The following BZW2 variants were observed in gnomAD, a reference collection of about 807,000 sequenced individuals.
BZW2 encodes eIF5-mimic protein 1.
In BZW2, 23 loss-of-function variants were observed where a neutral mutation model predicts 53.2. The ratio of observed to expected loss-of-function variants is 0.43; its 90% CI spans 0.31 to 0.61. The LOEUF (loss-of-function observed/expected upper bound fraction) is 0.61, where lower values mean the gene tolerates loss of function less well. BZW2 is among the 20% of genes least tolerant of loss of function. The pLI is 0.09. For missense variants in BZW2, 409 were observed against 503.1 expected (o/e 0.81, Z 1.79); for synonymous variants, 227 against 186.4 (o/e 1.22, Z -1.77).
chr7:16,671,734 C>T (rs989511673), intron 2 of BZW2, among the ~76,000 whole-genome samples: 1 of 151,948 alleles, frequency 6.6e-6, no homozygotes, highest in South Asian at 2.1e-4. Context: ...AGTTTGAGAC[C>T]AGCCTATGCA....
chr7:16,690,546 TA>T (rs1284197535), intron 7 of BZW2, among the ~76,000 whole-genome samples: 1 of 152,178 alleles, frequency 6.6e-6, no homozygotes, highest in Non-Finnish European at 1.5e-5. Flanking sequence ...TTTAATATGA[TA>T]AAAATTTCAT....
chr7:16,664,690 A>G (rs1432423921), intron 1 of BZW2, among the ~76,000 whole-genome samples: 1 of 152,188 alleles, frequency 6.6e-6, no homozygotes, highest in African/African-American at 2.4e-5. Context: ...CTAAATTATA[A>G]CTTATTTGAG....
chr7:16,661,160 G>T (rs1267515649), intron 1 of BZW2: 2 of 152,112 alleles, frequency 1.3e-5, no homozygotes, highest in African/African-American at 4.8e-5. Context: ...GTTCAAAGAT[G>T]AGTCATACCA....
rs866164271 is a variant in BZW2, at chr7:16,678,112, T to A, written c.236-3189T>A. Among the ~76,000 whole-genome samples, 685 of 143,744 alleles carry A rather than the reference T, an allele frequency of 4.8e-3. 4 individuals carry two copies. Among genetic ancestry groups the A allele is most frequent in the African/African-American group, 0.018 (657 of 36,498 alleles). The allele number at this position is 143,744 out of a possible 152,430, so 94.3% of individuals were successfully genotyped here. Reference sequence around the variant, plus strand: ...CTTTTTTTTTTTTTTTTTTTTTTTTTAATGCTGTCGCCCAGGCTGGAGTGT... The same window carrying A: ...CTTTTTTTTTTTTTTTTTTTTTTTTAAATGCTGTCGCCCAGGCTGGAGTGT... On this transcript the variant is annotated intron_variant, in intron 3 of 11. Transcript: ENST00000258761.
intron 2 of BZW2, among the ~76,000 whole-genome samples, chr7:16,666,386 G>T (rs73063986): frequency 0.018 from 1,829 of 101,296 alleles, 45 homozygotes; most frequent in African/African-American, 0.069. Flanking sequence ...CTGTATAAAA[G>T]ACTTTTATTT....
chr7:16,677,612 T>A (rs987565407), intron 3 of BZW2, among the ~76,000 whole-genome samples: 2 of 152,138 alleles, frequency 1.3e-5, no homozygotes, highest in Non-Finnish European at 2.9e-5. Flanking sequence ...GGGGCTCCAT[T>A]TGAAGAACAT....
At chr7:16,666,472 G>A (rs573013305) in intron 2 of BZW2, among the ~76,000 whole-genome samples, 3 of 150,780 alleles carry the variant, frequency 2.0e-5, no homozygotes, top group South Asian at 4.2e-4. Flanking sequence ...GCGCCATCTC[G>A]GCTCACTGCA....
chr7:16,693,196 T>G (rs976896736), intron 7 of BZW2, among the ~76,000 whole-genome samples: 7 of 152,164 alleles, frequency 4.6e-5, no homozygotes, highest in Non-Finnish European at 8.8e-5. Context: ...CAGAGAGACC[T>G]TAATCTAGGG....
chr7:16,691,702 A>G (rs751599470), intron 7 of BZW2, among the ~76,000 whole-genome samples: 2 of 152,256 alleles, frequency 1.3e-5, no homozygotes, highest in Non-Finnish European at 1.5e-5. Flanking sequence ...ACTCTTTTGA[A>G]GAAGAGAAGG....
At chr7:16,665,312 A>G in intron 1 of BZW2, 125 bp from the exon 2 acceptor site, 1 of 1,204,764 alleles carries the variant, frequency 8.3e-7, no homozygotes, top group South Asian at 1.4e-5. Context: ...TCAATTGAAA[A>G]AAAAAAAGAG....
chr7:16,672,985 A>G (rs1017937214), intron 2 of BZW2, among the ~76,000 whole-genome samples: 7 of 151,050 alleles, frequency 4.6e-5, no homozygotes, highest in Non-Finnish European at 8.8e-5. Flanking sequence ...TCGCTCTGTC[A>G]CCCAGGCTGG....
chr7:16,677,086 A>T (rs1225832823), intron 3 of BZW2, among the ~76,000 whole-genome samples: 2 of 144,516 alleles, frequency 1.4e-5, no homozygotes, highest in Non-Finnish European at 1.5e-5. Flanking sequence ...GCAAGATTTA[A>T]TGGAGTGAAA....
intron 5 of BZW2, among the ~76,000 whole-genome samples, chr7:16,684,223 A>G (rs1353705992): frequency 1.3e-5 from 2 of 152,230 alleles, no homozygotes; most frequent in African/African-American, 4.8e-5. Context: ...GTGCAAAGCA[A>G]CCATTTGGTA....
At chr7:16,652,745 G>A (rs922924308) in intron 1 of BZW2, among the ~76,000 whole-genome samples, 4 of 152,024 alleles carry the variant, frequency 2.6e-5, no homozygotes, top group Non-Finnish European at 4.4e-5. Flanking sequence ...GGCTGGTTTC[G>A]AACACCTGAC....
chr7:16,654,850 C>T (rs921214314), intron 1 of BZW2, among the ~76,000 whole-genome samples: 1 of 152,030 alleles, frequency 6.6e-6, no homozygotes, highest in African/African-American at 2.4e-5. Flanking sequence ...GTATACTATA[C>T]TGTGTTTAAG....
At chr7:16,703,710 A>G (rs1286104449) in intron 10 of BZW2, among the ~76,000 whole-genome samples, 1 of 152,148 alleles carries the variant, frequency 6.6e-6, no homozygotes, top group Non-Finnish European at 1.5e-5. Context: ...CCATTAGAAC[A>G]TTGGGAGACT....
chr7:16,656,445 T>C (rs1405696236), intron 1 of BZW2, among the ~76,000 whole-genome samples: 1 of 152,122 alleles, frequency 6.6e-6, no homozygotes, highest in Non-Finnish European at 1.5e-5. Context: ...GGTTAAGGTA[T>C]GGTCTTGTTT....
At chr7:16,657,693 T>C (rs1782155162) in intron 1 of BZW2, among the ~76,000 whole-genome samples, 1 of 152,142 alleles carries the variant, frequency 6.6e-6, no homozygotes, top group Non-Finnish European at 1.5e-5. Flanking sequence ...TTTTTTTTTC[T>C]AAAATTTGAC....
chr7:16,682,631 A>T lies in BZW2; in HGVS notation c.340-149A>T, dbSNP rs818504. The T allele has an allele frequency of 0.061, 21,724 of 358,980 alleles. 3,048 individuals are homozygous for T. The highest frequency in any genetic ancestry group is 0.35 in the African/African-American group (16,540 of 47,314). 22.2% of individuals were successfully genotyped at this position (358,980 alleles called of 1,614,324 possible). Reference sequence around the variant, plus strand: ...CCCTAGGTCATGATAGCATCTTTGAAATGCTTATAGTTCTTATATTACAGT... The same window carrying T: ...CCCTAGGTCATGATAGCATCTTTGATATGCTTATAGTTCTTATATTACAGT... On this transcript the variant is annotated intron_variant, in intron 4 of 11. Transcript: ENST00000258761.
Sources: gnomAD v4.1 joint callset for allele counts (sites outside exome capture counted in the v4.1 genomes callset) on GRCh38, gnomAD v4.1.1 for gene constraint, MANE v1.5 for transcripts, NCBI Gene and HGNC (gene_info 2026-07-23, HGNC 2026-07-21) for gene names.